TUBGCP2: variants seen among roughly 807,000 people sequenced by gnomAD.
The protein encoded by TUBGCP2 is tubulin gamma complex component 2.
Under a neutral mutation model 92.2 loss-of-function variants are expected in TUBGCP2, and 55 were observed. The observed-to-expected ratio is 0.60, with a 90% confidence interval of 0.48 to 0.75. The LOEUF is 0.75. TUBGCP2 is among the 30% of genes least tolerant of loss of function. The pLI is 0.00. For missense variants in TUBGCP2, 1,093 were observed against 1,188.9 expected (o/e 0.92, Z 1.19); for synonymous variants, 533 against 505.2 (o/e 1.06, Z -0.74).
At position 133,285,386 on chromosome 10, in the gene TUBGCP2, C is replaced by T. The variant is rs572228115; in HGVS notation, c.1895+70G>A. 1.1e-5 allele frequency: 18 copies of T among 1,605,486 alleles called. No homozygotes were observed. Among genetic ancestry groups the T allele is most frequent in the African/African-American group, 9.3e-5 (7 of 75,014 alleles). ...CCTCTGTGGGACGAGGTGGCCACCG[C>T]GTGGCACAGTTCTCGCTTCTGCCAA... On this transcript the variant is annotated intron_variant, in intron 12 of 17. Transcript: ENST00000252936. This position sits in a 1 kb window ranked among gnomAD's most constrained non-coding sequence, Gnocchi z 6.8.
rs1432382687 is a variant in TUBGCP2, at chr10:133,285,847, T to A, written c.1723-219A>T. Among the ~76,000 whole-genome samples, 1 of 151,980 alleles carries A rather than the reference T, an allele frequency of 6.6e-6. No individual in the cohort carries two copies. The highest frequency in any genetic ancestry group is 1.5e-5 in the Non-Finnish European group (1 of 68,008). ...CAGAACAAAACAACAAAAATTCAGA[T>A]GAATTACTTTGTAAATACCCACTGC... On this transcript the variant is annotated intron_variant, in intron 11 of 17. Transcript: ENST00000252936. This position sits in a 1 kb window ranked among gnomAD's most constrained non-coding sequence, Gnocchi z 6.8.
intron 16 of TUBGCP2, 78 bp from the exon 17 acceptor site, chr10:133,281,514 GC>G: frequency 6.6e-7 from 1 of 1,525,478 alleles, no homozygotes; most frequent in Non-Finnish European, 8.8e-7. Context: ...TTCCCAGCAG[GC>G]CGGTGTCCTT....
intron 1 of TUBGCP2, 107 bp from the exon 2 acceptor site, chr10:133,303,087 T>A: frequency 9.6e-7 from 1 of 1,045,380 alleles, no homozygotes. Context: ...AACCAAGTTA[T>A]CACCTGGCCT....
intron 1 of TUBGCP2, among the ~76,000 whole-genome samples, chr10:133,304,281 CCCTGTCTCA>C (rs1847753708): frequency 1.3e-5 from 2 of 152,132 alleles, no homozygotes; most frequent in African/African-American, 4.8e-5. Context: ...CAGAGGGAGA[CCCTGTCTCA>C]ACAAAAAACA....
rs1383020721 is a variant in TUBGCP2, at chr10:133,278,890, C to T, written c.*876G>A. ...AGGTGCTGAGAGCTGAAGGTGACAA[C>T]AATACACATGCAGGTCAGCAGGAAG... On this transcript the variant is annotated 3_prime_UTR_variant, in exon 18 of 18. Transcript: ENST00000252936. The T allele has an allele frequency of 6.6e-6, 1 of 152,394 alleles. No individual in the cohort carries two copies. The highest frequency in any genetic ancestry group is 2.4e-5 in the African/African-American group (1 of 41,468). The allele number at this position is 152,394 out of a possible 1,614,324, so 9.4% of individuals were successfully genotyped here. A position where few individuals can be genotyped will look rare whatever the true frequency, so the allele number is the denominator to read the frequency against.
chr10:133,297,435 A>C (rs552539541), intron 5 of TUBGCP2: 226 of 452,488 alleles, frequency 5.0e-4, no homozygotes, highest in African/African-American at 3.9e-3. Context: ...AAATGTACCC[A>C]TGAATTGTGA....
At chr10:133,311,907 G>T (rs1426912311), upstream of TUBGCP2, 1 of 1,613,176 alleles carries the variant, frequency 6.2e-7, no homozygotes, top group Admixed American at 1.7e-5. Flanking sequence ...ATTCTGGGCT[G>T]CACCTGGGCC....
intron 5 of TUBGCP2, among the ~76,000 whole-genome samples, chr10:133,296,325 G>A (rs1019915209): frequency 5.9e-5 from 9 of 152,192 alleles, no homozygotes; most frequent in Admixed American, 3.9e-4. Flanking sequence ...CTTCTCCGAA[G>A]TCTGCCTGGG....
At chr10:133,303,396 C>T (rs1163474771) in intron 1 of TUBGCP2, among the ~76,000 whole-genome samples, 1 of 152,240 alleles carries the variant, frequency 6.6e-6, no homozygotes, top group East Asian at 1.9e-4. Flanking sequence ...GAGCCAGCCC[C>T]GTGGGCAGCA....
At chr10:133,307,425 T>C (rs1453170293) in intron 1 of TUBGCP2, among the ~76,000 whole-genome samples, 2 of 152,234 alleles carry the variant, frequency 1.3e-5, no homozygotes, top group African/African-American at 4.8e-5. Context: ...TGTTGAGAGC[T>C]CAAAGCTAAC....
At chr10:133,301,159 G>A (rs11101687) in intron 2 of TUBGCP2, among the ~76,000 whole-genome samples, 1 of 152,070 alleles carries the variant, frequency 6.6e-6, no homozygotes, top group Non-Finnish European at 1.5e-5. Context: ...ACGGAGTTTC[G>A]CTCTTGTTGC....
chr10:133,312,257 C>G, upstream of TUBGCP2: 2 of 1,332,632 alleles, frequency 1.5e-6, no homozygotes, highest in South Asian at 3.3e-5. Context: ...CCTGTGCCGT[C>G]TGCCTTTCTA....
upstream of TUBGCP2, chr10:133,312,201 G>C (rs774339639): frequency 7.1e-7 from 1 of 1,405,580 alleles, no homozygotes; most frequent in Non-Finnish European, 9.2e-7. Flanking sequence ...CACCTGTGCC[G>C]TCTGCGTTTC....
chr10:133,282,216 C>CA lies in TUBGCP2; in HGVS notation c.2409+6dup. On this transcript the variant is annotated splice_region_variant and intron_variant, in intron 16 of 17. Coordinates refer to ENST00000252936, the MANE Select transcript of TUBGCP2 (RefSeq NM_006659.4). ...TCTCTCTCTGGCCAAACCTGGAGGCCACGCACCTTCCTGGCGAGCTCCTTC... is the reference window on the plus strand; with the variant it reads ...TCTCTCTCTGGCCAAACCTGGAGGCCAACGCACCTTCCTGGCGAGCTCCTTC... 6.2e-7 allele frequency: 1 copy of CA among 1,611,742 alleles called. No individual in the cohort carries two copies. Among genetic ancestry groups the CA allele is most frequent in the African/African-American group, 1.3e-5 (1 of 74,998 alleles).
In TUBGCP2 at chr10:133,283,945, T is replaced by G. The variant is rs202173821; in HGVS notation, c.2082A>C (p.Gln694His). The change falls in exon 14 of 18, where the codon CAA becomes CAC. Residue 694 changes from glutamine (Q) to histidine (H), a missense_variant. By Grantham distance (24) the Gln-to-His change is conservative. This residue lies in a region of TUBGCP2 where 598 missense variants were observed against 675.5 expected (regional missense o/e 0.89). Transcript: ENST00000252936. ...CCATCACTTCAAACATCATGTAGTA[T>G]TGAATATTCTGGACGAAGTTGAGCA... is the stretch of plus-strand genomic sequence containing the variant. ...QRMLNFVQNI[Q>H]YYMMFEVMEP... The G allele has an allele frequency of 7.4e-6, 12 of 1,614,056 alleles. No individual in the cohort carries two copies. The highest frequency in any genetic ancestry group is 1.0e-5 in the Non-Finnish European group (12 of 1,180,022).
chr10:133,294,600 T>C (rs1039431742), intron 5 of TUBGCP2, among the ~76,000 whole-genome samples: 3 of 151,804 alleles, frequency 2.0e-5, no homozygotes, highest in African/African-American at 7.3e-5. Context: ...AGATCCACAC[T>C]GTCCTTGTTT....
At chr10:133,284,236 C>A (rs1847070629) in intron 13 of TUBGCP2, among the ~76,000 whole-genome samples, 1 of 152,266 alleles carries the variant, frequency 6.6e-6, no homozygotes, top group African/African-American at 2.4e-5. Flanking sequence ...ACACCCCCAG[C>A]CAGCTGGACG....
chr10:133,290,132 G>T, intron 8 of TUBGCP2, 163 bp from the exon 9 acceptor site: 1 of 1,052,112 alleles, frequency 9.5e-7, no homozygotes, highest in Non-Finnish European at 1.3e-6. Context: ...CTTCTCAACT[G>T]TGGGCTAAAA....
rs1241006322 is a variant in TUBGCP2 at position 133,288,295 on chromosome 10, T to A, written c.1556A>T (p.Tyr519Phe). 2 of 1,613,316 alleles carry A rather than the reference T, an allele frequency of 1.2e-6. No individual in the cohort carries two copies. Among genetic ancestry groups the A allele is most frequent in the Non-Finnish European group, 1.7e-6 (2 of 1,179,906 alleles). Residue 519 changes from tyrosine (Y) to phenylalanine (F), a missense_variant, in exon 11 of 18, where the codon TAC becomes TTC. This residue lies in a region of TUBGCP2 where 598 missense variants were observed against 675.5 expected (regional missense o/e 0.89). Coordinates refer to ENST00000252936, the MANE Select transcript of TUBGCP2 (RefSeq NM_006659.4). ...LVAHLRSIKR[Y>F]FLMDQGDFFV... is the part of the protein sequence containing the mutation. ...GAAGTCGCCCTGGTCCATGAGGAAGTAGCGCTTGATGGACCTGCGCCAGGG... is the reference window on the plus strand; with the variant it reads ...GAAGTCGCCCTGGTCCATGAGGAAGAAGCGCTTGATGGACCTGCGCCAGGG...
Sources: gnomAD v4.1 joint callset for allele counts (sites outside exome capture counted in the v4.1 genomes callset) on GRCh38, gnomAD v4.1.1 for gene constraint, gnomAD v4.1.1 regional missense constraint, Gnocchi (gnomAD v3.1) non-coding constraint, MANE v1.5 for transcripts, NCBI Gene and HGNC (gene_info 2026-07-23, HGNC 2026-07-21) for gene names.